Variants in SCN10A observed in about 807,000 individuals in gnomAD.
The protein encoded by SCN10A is sodium channel protein type 10 subunit alpha.
SCN10A carries 162 observed loss-of-function variants against 170.7 expected under a neutral mutation model. The ratio of observed to expected loss-of-function variants is 0.95; its 90% CI spans 0.84 to 1.08. The LOEUF (loss-of-function observed/expected upper bound fraction) is 1.08. Among genes scored for constraint, SCN10A ranks in the 50% least tolerant of loss-of-function variants. SCN10A has a pLI of 0.00. For synonymous variants in SCN10A, 985 were observed against 904.6 expected (o/e 1.09, Z -1.59); for missense variants, 2,527 against 2,436.9 (o/e 1.04, Z -0.78).
At chr3:38,718,554 C>A (rs2125994287) in intron 21 of SCN10A, 99 bp downstream of exon 21, 2 of 1,256,506 alleles carry the variant, frequency 1.6e-6, no homozygotes, top group South Asian at 1.4e-5. Flanking sequence ...TTTGGAGTAG[C>A]CCTTGAGGGC....
chr3:38,742,215 C>A, intron 14 of SCN10A, 76 bp downstream of exon 14: 1 of 1,013,604 alleles, frequency 9.9e-7, no homozygotes, highest in Non-Finnish European at 1.5e-6. Flanking sequence ...CCCCACCCCA[C>A]CCGAACTGCA....
Position 38,742,524 on chromosome 3 carries a change from C to A in SCN10A, c.1873G>T (p.Glu625Ter). The A allele has an allele frequency of 6.2e-7, 1 of 1,613,714 alleles. No individual in the cohort carries two copies. The highest frequency in any genetic ancestry group is 8.5e-7 in the Non-Finnish European group (1 of 1,179,702). ...GGTGGGCACTTCTGTTCAGACTCCT[C>A]GAGTTCTGCATTATAGTGTGGTCAA... ...SIITSVLEEL[E>*]ESEQKCPPCL... is the part of the protein sequence containing the mutation. Residue 625 changes from glutamate to a stop codon, truncating the protein, a stop_gained, in exon 14 of 28, where the codon GAG (glutamate) becomes TAG (stop). Coordinates refer to ENST00000449082, the MANE Select transcript of SCN10A (RefSeq NM_006514.4). LOFTEE classifies it high-confidence loss of function.
intron 2 of SCN10A, 116 bp from the exon 3 acceptor site, chr3:38,792,284 G>C: frequency 7.6e-7 from 1 of 1,315,376 alleles, no homozygotes; most frequent in East Asian, 2.3e-5. Flanking sequence ...AGGGCTCTGG[G>C]AACTACAGGT....
intron 5 of SCN10A, 85 bp downstream of exon 5, chr3:38,771,194 G>A (rs2126040809): frequency 6.8e-7 from 1 of 1,475,864 alleles, no homozygotes; most frequent in East Asian, 2.3e-5. Flanking sequence ...TGTCCAAGTG[G>A]GACCTGCATG....
chr3:38,807,233 A>T (rs2064410059), intron 1 of SCN10A, among the ~76,000 whole-genome samples: 1 of 152,192 alleles, frequency 6.6e-6, no homozygotes, highest in African/African-American at 2.4e-5. Flanking sequence ...TGCCATTTAT[A>T]AAGTTTTGGT....
chr3:38,748,410 A>G (rs1044810520), intron 13 of SCN10A, among the ~76,000 whole-genome samples: 1 of 152,218 alleles, frequency 6.6e-6, no homozygotes, highest in African/African-American at 2.4e-5. Flanking sequence ...AATGTAACTT[A>G]GTTGAATTCA....
chr3:38,711,685 G>A (rs62242399), intron 23 of SCN10A, among the ~76,000 whole-genome samples: 12,557 of 152,244 alleles, frequency 0.082, 673 homozygotes, highest in East Asian at 0.27. Context: ...TGAATGAACA[G>A]GTAGATGAAG....
At chr3:38,711,888 G>A (rs562263006) in intron 23 of SCN10A, among the ~76,000 whole-genome samples, 16 of 152,324 alleles carry the variant, frequency 1.1e-4, no homozygotes, top group African/African-American at 3.8e-4. Flanking sequence ...CAGGTTCTGT[G>A]TTTTAACTCA....
Position 38,728,692 on chromosome 3 carries a change from C to T in SCN10A, c.2490G>A (p.Trp830Ter). The T allele has an allele frequency of 6.2e-7, 1 of 1,614,112 alleles. No individual in the cohort carries two copies. The change falls in exon 16 of 28, where the codon TGG (tryptophan) becomes TGA (stop). Residue 830 changes from tryptophan to a stop codon, truncating the protein, a stop_gained. Coordinates refer to ENST00000449082, the MANE Select transcript of SCN10A (RefSeq NM_006514.4). LOFTEE classifies it high-confidence loss of function. The part of the protein sequence containing the change: ...ISAPHEDWPR[W>*]HMHDFFHSFL... ...AAGAGTGGAAGAAGTCGTGCATGTG[C>T]CAGCGGGGCCAGTCTTCATGGGGCG...
At chr3:38,768,787 G>T (rs972790129) in intron 5 of SCN10A, among the ~76,000 whole-genome samples, 17 of 152,028 alleles carry the variant, frequency 1.1e-4, no homozygotes, top group Non-Finnish European at 2.1e-4. Context: ...CTTGTATTTG[G>T]ATATCTATAT....
At chr3:38,732,216 C>T (rs1001210963) in intron 15 of SCN10A, among the ~76,000 whole-genome samples, 1 of 152,198 alleles carries the variant, frequency 6.6e-6, no homozygotes, top group Non-Finnish European at 1.5e-5. Context: ...GTTTTGCTTG[C>T]AAATAGTTGG....
Position 38,709,568 on chromosome 3 carries a change from G to A in SCN10A, c.4191C>T (p.Tyr1397=), listed in dbSNP as rs983164063. 6.2e-7 allele frequency: 1 copy of A among 1,612,758 alleles called. No homozygotes were observed. The highest frequency in any genetic ancestry group is 1.3e-5 in the African/African-American group (1 of 74,858). ...CTCCAAAAATGATGAAGATGACAAAGTACAAATACATGTACACGTTGTCCT... is the reference window on the plus strand; with the variant it reads ...CTCCAAAAATGATGAAGATGACAAAATACAAATACATGTACACGTTGTCCT... ...KWEDNVYMYL[Y]FVIFIIFGGF... The change falls in exon 25 of 28, where the codon TAC becomes TAT. Residue 1397 remains tyrosine, a synonymous_variant. Coordinates refer to ENST00000449082, the MANE Select transcript of SCN10A (RefSeq NM_006514.4).
chr3:38,722,297 G>A lies in SCN10A; in HGVS notation c.3468C>T (p.Ser1156=), dbSNP rs1348668186. The A allele has an allele frequency of 2.5e-6, 4 of 1,614,060 alleles. No homozygotes were observed. In the Admixed American group the frequency reaches 5.0e-5, roughly 20 times the overall value. The change falls in exon 20 of 28, where the codon AGC becomes AGT. Residue 1156 remains serine, a synonymous_variant. Coordinates refer to ENST00000449082, the MANE Select transcript of SCN10A (RefSeq NM_006514.4). ...TGAGCAGGATCATGAAGATGATGAA[G>A]CTCTCAAACCAGCTGTGCTCCACGA... ...YRIVEHSWFE[S]FIIFMILLSS...
At chr3:38,723,580 A>T in intron 18 of SCN10A, 27 bp from the exon 19 acceptor site, 1 of 1,563,344 alleles carries the variant, frequency 6.4e-7, no homozygotes, top group Non-Finnish European at 8.7e-7. Flanking sequence ...CAGGGCAGTG[A>T]ACTCGTCTCT....
At chr3:38,809,517 A>G (rs992241017) in intron 1 of SCN10A, among the ~76,000 whole-genome samples, 1 of 152,212 alleles carries the variant, frequency 6.6e-6, no homozygotes, top group African/African-American at 2.4e-5. Flanking sequence ...AGTAGTTGCC[A>G]ATAGCCTACT....
chr3:38,724,238 C>T (rs1446257113), intron 18 of SCN10A, among the ~76,000 whole-genome samples: 1 of 152,176 alleles, frequency 6.6e-6, no homozygotes, highest in Non-Finnish European at 1.5e-5. Flanking sequence ...GTCAGCCTTG[C>T]CTAGGGCACA....
At position 38,761,367 on chromosome 3, in the gene SCN10A, C is replaced by T. The variant is rs746107172; in HGVS notation, c.708G>A (p.Val236=). Residue 236 remains valine (V), a synonymous_variant, in exon 7 of 28, where the codon GTG becomes GTA. Transcript: ENST00000449082. ...VSVIPGLKVI[V]GALIHSVKKL... Reference sequence around the variant, plus strand: ...TCTTCACTGAGTGAATCAGGGCCCCCACAATGACCTTCAGGCCTGCGGGAA... The same window carrying T: ...TCTTCACTGAGTGAATCAGGGCCCCTACAATGACCTTCAGGCCTGCGGGAA... The T allele has an allele frequency of 6.2e-7, 1 of 1,613,526 alleles. No homozygotes were observed. Among genetic ancestry groups the T allele is most frequent in the Non-Finnish European group, 8.5e-7 (1 of 1,179,636 alleles).
intron 6 of SCN10A, 149 bp downstream of exon 6, chr3:38,763,356 T>G: frequency 1.5e-6 from 1 of 686,412 alleles, no homozygotes; most frequent in Non-Finnish European, 2.6e-6. Context: ...GGCCTTGGGT[T>G]TATGTTTCCT....
At chr3:38,800,303 G>C (rs201858965) in intron 1 of SCN10A, among the ~76,000 whole-genome samples, 14 of 152,160 alleles carry the variant, frequency 9.2e-5, no homozygotes, top group Admixed American at 5.2e-4. Flanking sequence ...TCACAGGGGA[G>C]AATTGGACTA....
Sources: allele counts gnomAD v4.1 joint callset (sites outside exome capture counted in the v4.1 genomes callset), GRCh38; gene constraint gnomAD v4.1.1; transcripts MANE v1.5; gene names NCBI Gene and HGNC (gene_info 2026-07-23, HGNC 2026-07-21).